Variants in MSH3 observed in about 807,000 individuals in gnomAD.
MSH3 encodes DNA mismatch repair protein Msh3.
In MSH3, 106 loss-of-function variants were observed where a neutral mutation model predicts 123.3. The ratio of observed to expected loss-of-function variants is 0.86; its 90% CI spans 0.73 to 1.01. The LOEUF (loss-of-function observed/expected upper bound fraction) is 1.01, where lower values mean the gene tolerates loss of function less well. Ranked by LOEUF, MSH3 falls within the 50% of genes least tolerant of loss-of-function variation. The pLI is 0.00. For synonymous variants in MSH3, 515 were observed against 481.4 expected (o/e 1.07, Z -0.91); for missense variants, 1,459 against 1,347.6 (o/e 1.08, Z -1.29).
chr5:80,767,726 T>A (rs1442516088), intron 13 of MSH3, among the ~76,000 whole-genome samples: 1 of 152,288 alleles, frequency 6.6e-6, no homozygotes, highest in African/African-American at 2.4e-5. Flanking sequence ...TTTGTTTTCC[T>A]TGCCTAAAAT....
chr5:80,796,508 TAGTGTTGAGAA>T, intron 19 of MSH3, among the ~76,000 whole-genome samples: 1 of 152,290 alleles, frequency 6.6e-6, no homozygotes, highest in South Asian at 2.1e-4. Flanking sequence ...TATATAGGGA[TAGTGTTGAGAA>T]AGAACTTACG....
chr5:80,744,191 A>G (rs528717318), intron 11 of MSH3, among the ~76,000 whole-genome samples: 90 of 152,334 alleles, frequency 5.9e-4, no homozygotes, highest in African/African-American at 2.1e-3. Flanking sequence ...TCATCTTCCT[A>G]TGTTGTATTT....
intron 8 of MSH3, among the ~76,000 whole-genome samples, chr5:80,709,235 G>A (rs1750791748): frequency 6.6e-6 from 1 of 151,886 alleles, no homozygotes; most frequent in African/African-American, 2.4e-5. Flanking sequence ...GTGTGTGTGT[G>A]TGTGTGTGTA....
intron 18 of MSH3, among the ~76,000 whole-genome samples, chr5:80,791,082 T>C (rs2112024660): frequency 6.6e-6 from 1 of 152,340 alleles, no homozygotes; most frequent in Admixed American, 6.5e-5. Context: ...GACTGTCCTG[T>C]TTTGCTGAAA....
In MSH3 at chr5:80,813,600, T is replaced by A. The variant is rs772476641; in HGVS notation, c.2672T>A (p.Val891Glu). 1.2e-6 allele frequency: 2 copies of A among 1,613,998 alleles called. No homozygotes were observed. The highest frequency in any genetic ancestry group is 1.7e-6 in the Non-Finnish European group (2 of 1,179,980). Reference protein sequence around the residue: ...NTDLSEDSERVMIITGPNMGG... With the variant: ...NTDLSEDSEREMIITGPNMGG... ...AATTTTCAGGAGGACTCAGAGAGAG[T>A]AATGATAATTACCGGACCAAACATG... The change falls in exon 20 of 24, where the codon GTA (valine) becomes GAA (glutamate). Residue 891 changes from valine (V) to glutamate (E), a missense_variant. Val to Glu is a moderately radical substitution (Grantham distance 121). Coordinates refer to ENST00000265081, the MANE Select transcript of MSH3 (RefSeq NM_002439.5).
chr5:80,719,708 T>G (rs78029946), intron 8 of MSH3, among the ~76,000 whole-genome samples: 134 of 152,362 alleles, frequency 8.8e-4, no homozygotes, highest in African/African-American at 3.1e-3. Flanking sequence ...TCAGAGCATA[T>G]AGCCATTAGG....
chr5:80,871,860 G>T (rs995086701), intron 22 of MSH3, among the ~76,000 whole-genome samples: 2 of 152,102 alleles, frequency 1.3e-5, no homozygotes, highest in Admixed American at 6.6e-5. Flanking sequence ...GAGGTCTTTG[G>T]TGGCCATCTT....
rs141414261 is a variant in MSH3, at chr5:80,741,785, C to T, written c.1653+237C>T. 2.7e-3 allele frequency among the ~76,000 whole-genome samples: 415 copies of T among 152,096 alleles called. 1 individual carries two copies. The highest frequency in any genetic ancestry group is 4.6e-3 in the Non-Finnish European group (316 of 67,994). On this transcript the variant is annotated intron_variant, in intron 11 of 23. Coordinates refer to ENST00000265081, the MANE Select transcript of MSH3 (RefSeq NM_002439.5). ...TGACTGAGGGGCATGCTTATCCTGA[C>T]AATTTCTGTAACATCATTTCTATAT...
At chr5:80,715,232 G>C (rs1750937356) in intron 8 of MSH3, 2 of 152,166 alleles carry the variant, frequency 1.3e-5, no homozygotes, top group African/African-American at 4.8e-5. Flanking sequence ...TATAGGTTGA[G>C]TACCTGTTTT....
chr5:80,712,597 G>T (rs141244469), intron 8 of MSH3, among the ~76,000 whole-genome samples: 5 of 151,806 alleles, frequency 3.3e-5, no homozygotes, highest in Admixed American at 2.0e-4. Flanking sequence ...GAATTTTGGG[G>T]TTTTTTTCCC....
intron 19 of MSH3, among the ~76,000 whole-genome samples, chr5:80,803,937 C>T (rs940436697): frequency 2.0e-5 from 3 of 152,146 alleles, no homozygotes; most frequent in African/African-American, 7.2e-5. Context: ...ATGCCAGTAC[C>T]ATGCTGTTTT....
At chr5:80,872,699 T>A (rs924520279) in intron 22 of MSH3, among the ~76,000 whole-genome samples, 1 of 151,712 alleles carries the variant, frequency 6.6e-6, no homozygotes, top group Non-Finnish European at 1.5e-5. Flanking sequence ...TCCTAGCTAC[T>A]TAGGAGGCTA....
intron 17 of MSH3, among the ~76,000 whole-genome samples, chr5:80,786,810 A>G (rs530480680): frequency 6.6e-6 from 1 of 152,342 alleles, no homozygotes; most frequent in Non-Finnish European, 1.5e-5. Context: ...GAAAAAAGAA[A>G]AAAGTATTCA....
Position 80,875,955 on chromosome 5 carries a change from T to C in MSH3, c.*93T>C. On this transcript the variant is annotated 3_prime_UTR_variant, in exon 24 of 24. Coordinates refer to ENST00000265081, the MANE Select transcript of MSH3 (RefSeq NM_002439.5). The stretch of plus-strand genomic sequence containing the variant: ...AGTAACAGCCTATCTTTGTGTGACA[T>C]GTGAGCATAAAATTATGACCATGGT... The C allele has an allele frequency of 1.3e-6, 1 of 784,004 alleles. No individual in the cohort carries two copies. 48.6% of individuals were successfully genotyped at this position (784,004 alleles called of 1,614,324 possible). A position where few individuals can be genotyped will look rare whatever the true frequency, so the allele number is the denominator to read the frequency against.
intron 13 of MSH3, 49 bp from the exon 14 acceptor site, chr5:80,767,883 TC>T (rs765206076): frequency 5.7e-5 from 81 of 1,433,156 alleles, no homozygotes; most frequent in Non-Finnish European, 7.8e-6. Flanking sequence ...TAATTAAACT[TC>T]ATTTTCATGT....
rs151282985 is a variant in MSH3 at position 80,684,061 on chromosome 5, G to T, written c.1340+4968G>T. ...GGTCTGTGTGTCTGTTTTTATGCCAGTACCATGCCATTTTGGTTACTATAG... is the reference window on the plus strand; with the variant it reads ...GGTCTGTGTGTCTGTTTTTATGCCATTACCATGCCATTTTGGTTACTATAG... On this transcript the variant is annotated intron_variant, in intron 8 of 23. Transcript: ENST00000265081. Among the ~76,000 whole-genome samples the T allele has an allele frequency of 5.1e-3, 775 of 152,294 alleles. 14 individuals are homozygous for T. The highest frequency in any genetic ancestry group is 0.017 in the African/African-American group (721 of 41,572).
intron 20 of MSH3, among the ~76,000 whole-genome samples, chr5:80,835,615 A>G (rs1473716190): frequency 6.6e-6 from 1 of 152,178 alleles, no homozygotes; most frequent in African/African-American, 2.4e-5. Context: ...AGTGTTTTTA[A>G]CTAAGAAGAA....
chr5:80,672,665 G>A (rs1043213408), intron 5 of MSH3, 76 bp from the exon 6 acceptor site: 44 of 1,172,520 alleles, frequency 3.8e-5, no homozygotes, highest in Middle Eastern at 1.9e-4. Context: ...CAGAATTGAC[G>A]TTTAAACATT....
In MSH3 at chr5:80,768,596, A is replaced by G. The variant is rs6151804; in HGVS notation, c.2085-239A>G. On this transcript the variant is annotated intron_variant, in intron 14 of 23. Coordinates refer to ENST00000265081, the MANE Select transcript of MSH3 (RefSeq NM_002439.5). The stretch of plus-strand genomic sequence containing the variant: ...TGTTTTCTGCATAGGCAAACAACAA[A>G]TAATTTATCTCTTGGTTTTACCATG... 8.2e-4 allele frequency among the ~76,000 whole-genome samples: 125 copies of G among 152,280 alleles called. 1 individual carries two copies. In the South Asian group the frequency reaches 9.1e-3, roughly 11 times the overall value.
Sources: allele counts gnomAD v4.1 joint callset (sites outside exome capture counted in the v4.1 genomes callset), GRCh38; gene constraint gnomAD v4.1.1; transcripts MANE v1.5; gene names NCBI Gene and HGNC (gene_info 2026-07-23, HGNC 2026-07-21).